The following NUDT18 variants were observed in gnomAD, a reference collection of about 807,000 sequenced individuals.
The protein encoded by NUDT18 is 8-oxo-dGDP phosphatase NUDT18.
NUDT18 carries 26 observed loss-of-function variants against 27.6 expected under a neutral mutation model. The observed-to-expected ratio is 0.94, with a 90% CI of 0.69 to 1.31. The LOEUF (loss-of-function observed/expected upper bound fraction) is 1.31. Ranked by LOEUF, NUDT18 falls within the 50% of genes most tolerant of loss-of-function variation. The pLI, the probability that NUDT18 is intolerant of heterozygous loss-of-function variation, is 0.00. For synonymous variants in NUDT18, 220 were observed against 196.9 expected, an observed-to-expected ratio of 1.12 and a Z score of -0.98; for missense variants, 450 against 433.4, an observed-to-expected ratio of 1.04 and a Z score of -0.34.
Position 22,107,374 on chromosome 8 carries a change from C to T in NUDT18, c.898G>A (p.Val300Met), listed in dbSNP as rs1338326001. The T allele has an allele frequency of 6.2e-7, 1 of 1,613,616 alleles. No individual in the cohort carries two copies. The highest frequency in any genetic ancestry group is 1.1e-5 in the South Asian group (1 of 91,076). The change falls in exon 3 of 3, where the codon GTG becomes ATG. Residue 300 changes from valine to methionine, a missense_variant. Transcript: ENST00000611621. ...VRGENFSWWK[V>M]MEEDLQSQLL... ...TGGCTTTGCAGGTCTTCCTCCATCA[C>T]CTTCCACCAAGAGAAGTTCTCACCC...
Position 22,109,401 on chromosome 8 carries a change from C to CCCGCTGCCGCA in NUDT18, c.-102_-101insTGCGGCAGCGG. On this transcript the variant is annotated 5_prime_UTR_variant, in exon 1 of 3. Transcript: ENST00000611621. ...AGCCCGCTCCCAGTCCCTGCGGCAG[C>CCCGCTGCCGCA]GGGCCGGGAGCTCACGAGAACGCGG... 1 of 1,144,932 alleles carries CCCGCTGCCGCA rather than the reference C, an allele frequency of 8.7e-7. No homozygotes were observed. Among genetic ancestry groups the CCCGCTGCCGCA allele is most frequent in the Non-Finnish European group, 1.1e-6 (1 of 879,136 alleles). The allele number at this position is 1,144,932 out of a possible 1,614,324, so 70.9% of individuals were successfully genotyped here.
Position 22,109,406 on chromosome 8 carries a change from C to A in NUDT18, c.-106G>T. The stretch of plus-strand genomic sequence containing the variant: ...GCTCCCAGTCCCTGCGGCAGCGGGC[C>A]GGGAGCTCACGAGAACGCGGAAGCG... On this transcript the variant is annotated 5_prime_UTR_variant, in exon 1 of 3. Transcript: ENST00000611621. The A allele has an allele frequency of 1.8e-6, 2 of 1,081,362 alleles. No individual in the cohort carries two copies. Among genetic ancestry groups the A allele is most frequent in the Non-Finnish European group, 2.4e-6 (2 of 818,126 alleles). The allele number at this position is 1,081,362 out of a possible 1,614,324, so 67.0% of individuals were successfully genotyped here. A position where few individuals can be genotyped will look rare whatever the true frequency, so the allele number is the denominator to read the frequency against.
rs76769824 is a variant in NUDT18, at chr8:22,107,162, C to T, written c.*138G>A. 3,203 of 644,426 alleles carry T rather than the reference C, an allele frequency of 5.0e-3. 80 individuals are homozygous for T. In the African/African-American group the frequency reaches 0.053, roughly 11 times the overall value. The allele number at this position is 644,426 out of a possible 1,614,324, so 39.9% of individuals were successfully genotyped here. On this transcript the variant is annotated 3_prime_UTR_variant, in exon 3 of 3. Transcript: ENST00000611621. ...GAGGAATGCTCCTCAAAGCATCTCTCCTGGGGACCAGGAGAGCCGCCCCTG... is the reference window on the plus strand; with the variant it reads ...GAGGAATGCTCCTCAAAGCATCTCTTCTGGGGACCAGGAGAGCCGCCCCTG...
chr8:22,109,656 C>G (rs1267552858), upstream of NUDT18: 4 of 470,492 alleles, frequency 8.5e-6, no homozygotes, highest in Non-Finnish European at 1.7e-5. Flanking sequence ...ACCCGCTCGC[C>G]AACTCCCCGA....
Position 22,107,718 on chromosome 8 carries a change from C to T in NUDT18, c.554G>A (p.Cys185Tyr). 1 of 1,613,560 alleles carries T rather than the reference C, an allele frequency of 6.2e-7. No homozygotes were observed. Among genetic ancestry groups the T allele is most frequent in the Non-Finnish European group, 8.5e-7 (1 of 1,179,794 alleles). Residue 185 changes from cysteine to tyrosine, a missense_variant, in exon 3 of 3, where the codon TGT (cysteine) becomes TAT (tyrosine). Transcript: ENST00000611621. ...HPLILPQELP[C>Y]DLVCQRLVAT... ...CACGAGCCGCTGGCAGACCAGATCA[C>T]AGGGTAGCTCTTGGGGCAGAATGAG...
At chr8:22,108,928 C>T (rs7840124) in intron 1 of NUDT18, among the ~76,000 whole-genome samples, 3 of 152,056 alleles carry the variant, frequency 2.0e-5, no homozygotes, top group Non-Finnish European at 4.4e-5. Context: ...GAGGCCTAGT[C>T]GGATGAGACA....
Position 22,108,173 on chromosome 8 carries a change from G to GC in NUDT18, c.335dup (p.Ser114LeufsTer45). On this transcript the variant is annotated frameshift_variant, in exon 2 of 3. Transcript: ENST00000611621. LOFTEE classifies it high-confidence loss of function. ...GGAACACGAAGCGGACCCAGGAGGG[G>GC]CCCCGCTCCTCCACGGACAGCAGTG... is the stretch of plus-strand genomic sequence containing the variant. 1 of 1,567,314 alleles carries GC rather than the reference G, an allele frequency of 6.4e-7. No individual in the cohort carries two copies.
chr8:22,110,170 G>A (rs1466411071), upstream of NUDT18, among the ~76,000 whole-genome samples: 1 of 152,216 alleles, frequency 6.6e-6, no homozygotes, highest in African/African-American at 2.4e-5. Flanking sequence ...CGCAGCTCAA[G>A]GCCCTCTCTG....
Position 22,109,387 on chromosome 8 carries a change from A to AGTCCCTGCGGAGCCCGCTCCCG in NUDT18, c.-88_-87insCGGGAGCGGGCTCCGCAGGGAC. On this transcript the variant is annotated 5_prime_UTR_variant, in exon 1 of 3. Transcript: ENST00000611621. Reference sequence around the variant, plus strand: ...AGAGTGCGCTGCGGAGCCCGCTCCCAGTCCCTGCGGCAGCGGGCCGGGAGC... The same window carrying AGTCCCTGCGGAGCCCGCTCCCG: ...AGAGTGCGCTGCGGAGCCCGCTCCCAGTCCCTGCGGAGCCCGCTCCCGGTCCCTGCGGCAGCGGGCCGGGAGC... The AGTCCCTGCGGAGCCCGCTCCCG allele has an allele frequency of 7.8e-7, 1 of 1,277,826 alleles. No individual in the cohort carries two copies. Among genetic ancestry groups the AGTCCCTGCGGAGCCCGCTCCCG allele is most frequent in the Non-Finnish European group, 1.0e-6 (1 of 998,284 alleles). The allele number at this position is 1,277,826 out of a possible 1,614,324, so 79.2% of individuals were successfully genotyped here.
chr8:22,109,217 CG>C lies in NUDT18; in HGVS notation c.83del (p.Pro28ArgfsTer32). On this transcript the variant is annotated frameshift_variant, in exon 1 of 3. Coordinates refer to ENST00000611621, the MANE Select transcript of NUDT18 (RefSeq NM_024815.4). LOFTEE classifies it high-confidence loss of function. ...GSSVHSCDSAPAGEPPAPVRL... is the reference protein window; with the variant it reads ...GSSVHSCDSAXAGEPPAPVRL... ...GCACGGGCGCCGGCGGCTCCCCGGCCGGCGCCGAGTCGCAGCTGTGCACGCT... is the reference window on the plus strand; with the variant it reads ...GCACGGGCGCCGGCGGCTCCCCGGCCGCGCCGAGTCGCAGCTGTGCACGCT... The C allele has an allele frequency of 6.9e-7, 1 of 1,440,510 alleles. No homozygotes were observed. 89.2% of individuals were successfully genotyped at this position (1,440,510 alleles called of 1,614,324 possible).
chr8:22,108,258 A>G lies in NUDT18; in HGVS notation c.251T>C (p.Ile84Thr), dbSNP rs565926159. ...CACCTCCCGCTGCAGCGCCTCCACG[A>G]TGGTCTCCCCTGGCTCCATTCTCCC... ...PAGRMEPGET[I>T]VEALQREVKE... Residue 84 changes from isoleucine to threonine, a missense_variant, in exon 2 of 3, where the codon ATC becomes ACC. By Grantham distance (89) the Ile-to-Thr change is moderately conservative. Transcript: ENST00000611621. 2 of 1,597,122 alleles carry G rather than the reference A, an allele frequency of 1.3e-6. No homozygotes were observed. Among genetic ancestry groups the G allele is most frequent in the South Asian group, 1.1e-5 (1 of 88,126 alleles).
Position 22,107,621 on chromosome 8 carries a change from A to G in NUDT18, c.651T>C (p.Thr217=), listed in dbSNP as rs974399808. ...GCTCCATAGGGTCGAGGCCACAGGCAGTGACAGGCAAGTGAGGCATCCCCA... is the reference window on the plus strand; with the variant it reads ...GCTCCATAGGGTCGAGGCCACAGGCGGTGACAGGCAAGTGAGGCATCCCCA... ...GTVGMPHLPV[T]ACGLDPMEQR... Residue 217 remains threonine (T), a synonymous_variant, in exon 3 of 3, where the codon ACT becomes ACC. Transcript: ENST00000611621. 4 of 1,613,282 alleles carry G rather than the reference A, an allele frequency of 2.5e-6. No homozygotes were observed. The highest frequency in any genetic ancestry group is 3.4e-6 in the Non-Finnish European group (4 of 1,179,830).
Position 22,107,896 on chromosome 8 carries a change from C to T in NUDT18, c.377-1G>A. On this transcript the variant is annotated splice_acceptor_variant, in intron 2 of 2. Coordinates refer to ENST00000611621, the MANE Select transcript of NUDT18 (RefSeq NM_024815.4). LOFTEE classifies it high-confidence loss of function. ...TCCTTGGAAGTCTTGAGAATTCCAC[C>T]TGGGGGAGATGTGGGGGATGGGGCA... 13 of 1,568,712 alleles carry T rather than the reference C, an allele frequency of 8.3e-6. No homozygotes were observed. Among genetic ancestry groups the T allele is most frequent in the Non-Finnish European group, 1.1e-5 (13 of 1,154,370 alleles).
rs1169885292 is a variant in NUDT18, at chr8:22,107,427, C to T, written c.845G>A (p.Gly282Glu). The T allele has an allele frequency of 2.5e-6, 4 of 1,613,318 alleles. No homozygotes were observed. The highest frequency in any genetic ancestry group is 3.4e-6 in the Non-Finnish European group (4 of 1,179,880). The change falls in exon 3 of 3, where the codon GGG (glycine) becomes GAG (glutamate). Residue 282 changes from glycine (G) to glutamate (E), a missense_variant. By Grantham distance (98) the Gly-to-Glu change is moderately conservative. Coordinates refer to ENST00000611621, the MANE Select transcript of NUDT18 (RefSeq NM_024815.4). The part of the protein sequence containing the change: ...VLVTVAFRSP[G>E]IQDEPPKVRG... ...AACTTTTGGGGGTTCATCCTGGATC[C>T]CTGGGCTCCGAAAAGCCACGGTCAC...
At chr8:22,108,413 C>G (rs748992992) in intron 1 of NUDT18, 67 bp from the exon 2 acceptor site, 311 of 1,397,914 alleles carry the variant, frequency 2.2e-4, no homozygotes, top group Admixed American at 4.0e-4. Flanking sequence ...GGGGGCATCT[C>G]AAACACAGTC....
rs770349572 is a variant in NUDT18 at position 22,107,782 on chromosome 8, C to A, written c.490G>T (p.Glu164Ter). 5.6e-6 allele frequency: 9 copies of A among 1,613,416 alleles called. No homozygotes were observed. In the East Asian group the frequency reaches 2.0e-4, roughly 36 times the overall value. The stretch of plus-strand genomic sequence containing the variant: ...TGCTGGCGATACTGGGCGGCTAGTT[C>A]AACCAGGTGCAGGATGTCATGGGCT... ...LRAHDILHLV[E>*]LAAQYRQQAR... is the part of the protein sequence containing the mutation. The change falls in exon 3 of 3, where the codon GAA becomes TAA. Residue 164 changes from glutamate (E) to a stop codon, truncating the protein, a stop_gained. Coordinates refer to ENST00000611621, the MANE Select transcript of NUDT18 (RefSeq NM_024815.4). LOFTEE classifies it high-confidence loss of function.
At position 22,107,624 on chromosome 8, in the gene NUDT18, G is replaced by A. The variant is rs767479075; in HGVS notation, c.648C>T (p.Val216=). 1.1e-5 allele frequency: 17 copies of A among 1,613,124 alleles called. No individual in the cohort carries two copies. Among genetic ancestry groups the A allele is most frequent in the Non-Finnish European group, 1.4e-5 (17 of 1,179,840 alleles). Residue 216 remains valine (V), a synonymous_variant, in exon 3 of 3, where the codon GTC becomes GTT. Coordinates refer to ENST00000611621, the MANE Select transcript of NUDT18 (RefSeq NM_024815.4). ...CCATAGGGTCGAGGCCACAGGCAGT[G>A]ACAGGCAAGTGAGGCATCCCCACTG... ...VGTVGMPHLP[V]TACGLDPMEQ...
At chr8:22,110,386 G>A (rs1826452655), upstream of NUDT18, among the ~76,000 whole-genome samples, 1 of 152,254 alleles carries the variant, frequency 6.6e-6, no homozygotes, top group South Asian at 2.1e-4. Flanking sequence ...AGGGATCTGC[G>A]AAGCAGGCCG....
Position 22,107,655 on chromosome 8 carries a change from A to T in NUDT18, c.617T>A (p.Val206Glu). 1 of 1,612,876 alleles carries T rather than the reference A, an allele frequency of 6.2e-7. No individual in the cohort carries two copies. The highest frequency in any genetic ancestry group is 1.7e-4 in the Middle Eastern group (1 of 6,060). ...FTSAQTVWVL[V>E]GTVGMPHLPV... is the part of the protein sequence containing the mutation. The stretch of plus-strand genomic sequence containing the variant: ...CAAGTGAGGCATCCCCACTGTGCCC[A>T]CTAACACCCACACTGTCTGGGCGCT... The change falls in exon 3 of 3, where the codon GTG becomes GAG. Residue 206 changes from valine to glutamate, a missense_variant. Coordinates refer to ENST00000611621, the MANE Select transcript of NUDT18 (RefSeq NM_024815.4).
Sources: allele counts gnomAD v4.1 joint callset (sites outside exome capture counted in the v4.1 genomes callset), GRCh38; gene constraint gnomAD v4.1.1; transcripts MANE v1.5; gene names NCBI Gene and HGNC (gene_info 2026-07-23, HGNC 2026-07-21).